Variants in SLC39A11 observed in about 807,000 individuals in gnomAD.
SLC39A11 encodes the protein solute carrier family 39 member 11, also known as zinc transporter ZIP11.
In SLC39A11, 33 loss-of-function variants were observed where a neutral mutation model predicts 36.1. That is an observed-to-expected ratio of 0.91 (90% CI 0.69 to 1.22). The LOEUF (loss-of-function observed/expected upper bound fraction) is 1.22. SLC39A11 is among the 50% of genes most tolerant of loss of function. SLC39A11 has a pLI of 0.00. For missense variants in SLC39A11, 432 were observed against 430.3 expected, an observed-to-expected ratio of 1.00 and a Z score of -0.03; for synonymous variants, 166 against 170.3, an observed-to-expected ratio of 0.97 and a Z score of 0.20.
intron 5 of SLC39A11, among the ~76,000 whole-genome samples, chr17:72,867,760 G>GCACACA (rs887444124): frequency 1.2e-5 from 1 of 80,484 alleles, no homozygotes; most frequent in Non-Finnish European, 2.5e-5. Flanking sequence ...AAGTGCGCGC[G>GCACACA]CACACACACA....
At chr17:73,085,009 G>A (rs1397130218) in intron 2 of SLC39A11, among the ~76,000 whole-genome samples, 163 bp from the exon 3 acceptor site, 1 of 152,154 alleles carries the variant, frequency 6.6e-6, no homozygotes, top group Non-Finnish European at 1.5e-5. Context: ...GAACCACGGG[G>A]AAAGTCTTTG....
rs114233182 is a variant in SLC39A11 at position 72,997,274 on chromosome 17, G to A, written c.306+34282C>T. 5.8e-3 allele frequency among the ~76,000 whole-genome samples: 882 copies of A among 152,252 alleles called. 6 individuals are homozygous for A. Among genetic ancestry groups the A allele is most frequent in the African/African-American group, 0.02 (819 of 41,538 alleles). On this transcript the variant is annotated intron_variant, in intron 4 of 9. Coordinates refer to ENST00000255559, the MANE Select transcript of SLC39A11 (RefSeq NM_139177.4). ...ACAGAGTAGCTCCCTCTTTTTTTGA[G>A]ATGGAGTCTCGCTCTGTCGCCCAGG...
intron 6 of SLC39A11, among the ~76,000 whole-genome samples, chr17:72,804,909 G>A (rs897037722): frequency 1.3e-5 from 2 of 152,090 alleles, no homozygotes; most frequent in East Asian, 1.9e-4. Context: ...AATCCCATTC[G>A]GGAGGCTGAG....
At chr17:72,880,162 C>T (rs1474400435) in intron 5 of SLC39A11, among the ~76,000 whole-genome samples, 2 of 152,238 alleles carry the variant, frequency 1.3e-5, no homozygotes, top group Non-Finnish European at 2.9e-5. Flanking sequence ...TCCTCACACA[C>T]TGCCTGGCAC....
At chr17:72,727,601 G>A (rs1160364051) in intron 7 of SLC39A11, among the ~76,000 whole-genome samples, 1 of 145,784 alleles carries the variant, frequency 6.9e-6, no homozygotes, top group Non-Finnish European at 1.5e-5. Context: ...GCAGTGAGCT[G>A]AGATCGTGCC....
intron 3 of SLC39A11, among the ~76,000 whole-genome samples, chr17:73,050,306 G>C: frequency 9.3e-6 from 1 of 107,636 alleles, no homozygotes; most frequent in African/African-American, 3.7e-5. Context: ...GTCAGAACAA[G>C]TTTGGTCTGT....
intron 5 of SLC39A11, among the ~76,000 whole-genome samples, chr17:72,905,692 A>C (rs2082621417): frequency 6.6e-6 from 1 of 150,506 alleles, no homozygotes; most frequent in African/African-American, 2.4e-5. Flanking sequence ...CGTGGGCTCT[A>C]CCCAACATCT....
At position 72,910,926 on chromosome 17, in the gene SLC39A11, C is replaced by CAAAAA. The variant is rs199741291; in HGVS notation, c.430+36821_430+36825dup. Among the ~76,000 whole-genome samples, 97 of 111,958 alleles carry CAAAAA rather than the reference C, an allele frequency of 8.7e-4. 1 individual carries two copies. The highest frequency in any genetic ancestry group is 2.9e-3 in the African/African-American group (88 of 30,368). 73.4% of individuals were successfully genotyped at this position (111,958 alleles called of 152,430 possible). A position where few individuals can be genotyped will look rare whatever the true frequency, so the allele number is the denominator to read the frequency against. On this transcript the variant is annotated intron_variant, in intron 5 of 9. Coordinates refer to ENST00000255559, the MANE Select transcript of SLC39A11 (RefSeq NM_139177.4). ...TGGGCAACAGAGCAAGACTCCACCT[C>CAAAAA]AAAAAAAAAAAAAAAAAAAAAAGAG...
rs369495929 is a variant in SLC39A11 at position 73,002,401 on chromosome 17, G to A, written c.306+29155C>T. Among the ~76,000 whole-genome samples, 22 of 152,138 alleles carry A rather than the reference G, an allele frequency of 1.4e-4. 1 individual carries two copies. The highest frequency in any genetic ancestry group is 9.6e-4 in the East Asian group (5 of 5,190). ...CAGTCGGTGGGATGCCAGAGCCTGC[G>A]CTACTGGTAACTCTGGTGCCTCTTA... is the stretch of plus-strand genomic sequence containing the variant. On this transcript the variant is annotated intron_variant, in intron 4 of 9. Transcript: ENST00000255559.
chr17:72,679,131 A>G (rs1397671183), intron 7 of SLC39A11, among the ~76,000 whole-genome samples: 1 of 152,120 alleles, frequency 6.6e-6, no homozygotes, highest in Non-Finnish European at 1.5e-5. Context: ...AAGAGAGGAG[A>G]AGAGTGATCA....
At chr17:72,988,663 T>C (rs1408147229) in intron 4 of SLC39A11, among the ~76,000 whole-genome samples, 2 of 152,156 alleles carry the variant, frequency 1.3e-5, no homozygotes, top group Admixed American at 1.3e-4. Flanking sequence ...CAACCGCAGT[T>C]CTACTTTCTG....
chr17:72,666,011 C>A (rs373249759), intron 7 of SLC39A11, among the ~76,000 whole-genome samples: 1 of 152,302 alleles, frequency 6.6e-6, no homozygotes, highest in South Asian at 2.1e-4. Flanking sequence ...TGCAGATGCA[C>A]GTCTAAGAGT....
At chr17:73,030,094 C>T (rs144045596) in intron 4 of SLC39A11, among the ~76,000 whole-genome samples, 1 of 152,318 alleles carries the variant, frequency 6.6e-6, no homozygotes, top group African/African-American at 2.4e-5. Flanking sequence ...CCCTCACATG[C>T]GCAGCTCGCA....
chr17:73,013,010 G>T (rs957822170), intron 4 of SLC39A11, among the ~76,000 whole-genome samples: 2 of 152,140 alleles, frequency 1.3e-5, no homozygotes, highest in African/African-American at 2.4e-5. Flanking sequence ...TGTTGGCCAG[G>T]CTGGTCTCGA....
At chr17:72,677,971 T>C (rs944089004) in intron 7 of SLC39A11, among the ~76,000 whole-genome samples, 1 of 152,116 alleles carries the variant, frequency 6.6e-6, no homozygotes, top group Non-Finnish European at 1.5e-5. Context: ...TTAGTTTGAA[T>C]ACCAAGCTTA....
chr17:72,979,157 T>C (rs1335713645), intron 4 of SLC39A11, among the ~76,000 whole-genome samples: 1 of 152,196 alleles, frequency 6.6e-6, no homozygotes, highest in Non-Finnish European at 1.5e-5. Context: ...CTGATGGTTT[T>C]ATAAGGGGCT....
intron 6 of SLC39A11, among the ~76,000 whole-genome samples, chr17:72,822,341 A>G (rs1010804680): frequency 6.7e-6 from 1 of 148,194 alleles, no homozygotes; most frequent in Non-Finnish European, 1.5e-5. Context: ...GAGAGAGAGA[A>G]AGAATATATA....
intron 7 of SLC39A11, among the ~76,000 whole-genome samples, chr17:72,713,755 C>G (rs60588242): frequency 0.02 from 3,045 of 152,268 alleles, 105 homozygotes; most frequent in African/African-American, 0.069. Flanking sequence ...TCTTCCATCA[C>G]CTCCCTGCCA....
At chr17:72,910,183 T>C (rs943611786) in intron 5 of SLC39A11, among the ~76,000 whole-genome samples, 1 of 152,166 alleles carries the variant, frequency 6.6e-6, no homozygotes, top group African/African-American at 2.4e-5. Context: ...TGGGAAGGGC[T>C]GAAAAACTAC....
Sources: allele counts gnomAD v4.1 joint callset (sites outside exome capture counted in the v4.1 genomes callset), GRCh38; gene constraint gnomAD v4.1.1; transcripts MANE v1.5; gene names NCBI Gene and HGNC (gene_info 2026-07-23, HGNC 2026-07-21).